The following CSMD1 variants were observed in gnomAD, a reference collection of about 807,000 sequenced individuals.
CSMD1 encodes CUB and sushi domain-containing protein 1.
CSMD1 carries 213 observed loss-of-function variants against 417.5 expected under a neutral mutation model. The observed-to-expected ratio is 0.51, with a 90% confidence interval of 0.46 to 0.57. The LOEUF (loss-of-function observed/expected upper bound fraction) is 0.57. Ranked by LOEUF, CSMD1 falls within the 20% of genes least tolerant of loss-of-function variation. CSMD1 has a pLI of 0.00. For missense variants in CSMD1, 6,923 were observed against 4,529.7 expected, an observed-to-expected ratio of 1.53 and a Z score of -15.17; for synonymous variants, 2,862 against 1,736.8, an observed-to-expected ratio of 1.65 and a Z score of -16.11.
rs375412143 is a variant in CSMD1, at chr8:3,407,879, G to A, written c.2071+20C>T. 18 of 1,574,640 alleles carry A rather than the reference G, an allele frequency of 1.1e-5. No individual in the cohort carries two copies. In the South Asian group the frequency reaches 2.0e-4, roughly 17 times the overall value. ...AGTAAAATGAGAACTTGGATGTGTT[G>A]ACTGTGTGGGCGTACTTACTGGTGT... is the stretch of plus-strand genomic sequence containing the variant. On this transcript the variant is annotated intron_variant, in intron 14 of 69. Coordinates refer to ENST00000635120, the MANE Select transcript of CSMD1 (RefSeq NM_033225.6).
chr8:4,581,415 T>G (rs549189559), intron 2 of CSMD1, among the ~76,000 whole-genome samples: 1 of 152,224 alleles, frequency 6.6e-6, no homozygotes, highest in Non-Finnish European at 1.5e-5. Context: ...CCAATTTTTA[T>G]CTTTTTGAGC....
chr8:3,594,472 T>G (rs541373291), intron 8 of CSMD1, among the ~76,000 whole-genome samples: 16 of 152,286 alleles, frequency 1.1e-4, no homozygotes, highest in African/African-American at 3.8e-4. Context: ...AGCAAAACCC[T>G]GTTGGTAACA....
chr8:2,977,290 G>C (rs1563199802), intron 55 of CSMD1, among the ~76,000 whole-genome samples: 1 of 152,070 alleles, frequency 6.6e-6, no homozygotes, highest in Non-Finnish European at 1.5e-5. Flanking sequence ...GCCTCAGTGA[G>C]TGTTGGTCCT....
At chr8:4,855,591 C>G (rs1435897893) in intron 1 of CSMD1, among the ~76,000 whole-genome samples, 2 of 152,112 alleles carry the variant, frequency 1.3e-5, no homozygotes, top group Non-Finnish European at 2.9e-5. Context: ...AGCTGAAAAC[C>G]AAGGCGCGAG....
intron 18 of CSMD1, among the ~76,000 whole-genome samples, chr8:3,371,653 A>G (rs1809957593): frequency 1.3e-5 from 2 of 152,204 alleles, no homozygotes; most frequent in East Asian, 1.9e-4. Flanking sequence ...AATATTCACA[A>G]AAGAATTAGA....
intron 3 of CSMD1, among the ~76,000 whole-genome samples, chr8:4,084,955 A>G (rs1370877979): frequency 2.0e-5 from 3 of 152,230 alleles, no homozygotes; most frequent in African/African-American, 7.2e-5. Context: ...AAGCACCTGC[A>G]GAAAGAAGGA....
At chr8:3,580,094 ACT>A (rs1348417878) in intron 9 of CSMD1, among the ~76,000 whole-genome samples, 1 of 151,746 alleles carries the variant, frequency 6.6e-6, no homozygotes, top group African/African-American at 2.4e-5. Flanking sequence ...ACAGAGGGAG[ACT>A]CTGTCTCAAA....
intron 1 of CSMD1, among the ~76,000 whole-genome samples, chr8:4,945,158 T>G (rs1808284545): frequency 6.6e-6 from 1 of 152,096 alleles, no homozygotes; most frequent in African/African-American, 2.4e-5. Context: ...ACAAGAGAAA[T>G]ACTGAATGAT....
At chr8:4,013,981 T>G (rs182362839) in intron 4 of CSMD1, among the ~76,000 whole-genome samples, 2 of 152,298 alleles carry the variant, frequency 1.3e-5, no homozygotes, top group Admixed American at 6.5e-5. Flanking sequence ...CAATAAACGT[T>G]CCTTGGAAGA....
At chr8:3,730,291 T>C (rs1362174165) in intron 6 of CSMD1, among the ~76,000 whole-genome samples, 2 of 151,958 alleles carry the variant, frequency 1.3e-5, no homozygotes, top group Non-Finnish European at 2.9e-5. Flanking sequence ...GCATCATCCC[T>C]GACTCAGCCA....
intron 5 of CSMD1, among the ~76,000 whole-genome samples, chr8:3,777,921 C>T (rs935404683): frequency 1.1e-4 from 16 of 151,134 alleles, no homozygotes; most frequent in Admixed American, 3.9e-4. Context: ...AGACCCGCAG[C>T]CTCCTTGAAG....
intron 1 of CSMD1, among the ~76,000 whole-genome samples, chr8:4,742,104 C>T (rs1003084695): frequency 1.5e-5 from 2 of 137,210 alleles, no homozygotes; most frequent in African/African-American, 5.4e-5. Context: ...AATCTCGGCT[C>T]ACTGCAAGCT....
intron 3 of CSMD1, among the ~76,000 whole-genome samples, chr8:4,391,304 T>A (rs1000124352): frequency 3.3e-5 from 5 of 152,216 alleles, no homozygotes; most frequent in Non-Finnish European, 5.9e-5. Context: ...CTTTCTTCTC[T>A]TAAGACATGG....
At chr8:4,695,497 C>A (rs1382149457) in intron 1 of CSMD1, among the ~76,000 whole-genome samples, 1 of 152,074 alleles carries the variant, frequency 6.6e-6, no homozygotes, top group East Asian at 1.9e-4. Context: ...ATCTCGATAC[C>A]CTAAAATAAG....
chr8:3,273,030 C>G (rs1294306664), intron 26 of CSMD1, among the ~76,000 whole-genome samples: 1 of 151,950 alleles, frequency 6.6e-6, no homozygotes, highest in Non-Finnish European at 1.5e-5. Flanking sequence ...GGGAATGCTT[C>G]TAGTTTTTGC....
Position 3,181,098 on chromosome 8 carries a change from A to G in CSMD1, c.5725+12T>C. Reference sequence around the variant, plus strand: ...AACAGTGGAAGCTGTATACAGAAAGAGTTGACCTTACTTTTGTATTCCAGG... The same window carrying G: ...AACAGTGGAAGCTGTATACAGAAAGGGTTGACCTTACTTTTGTATTCCAGG... On this transcript the variant is annotated intron_variant, in intron 37 of 69. Transcript: ENST00000635120. The G allele has an allele frequency of 6.4e-7, 1 of 1,564,930 alleles. No individual in the cohort carries two copies. The highest frequency in any genetic ancestry group is 8.8e-7 in the Non-Finnish European group (1 of 1,135,718).
chr8:4,036,108 A>G (rs1396694171), intron 3 of CSMD1, among the ~76,000 whole-genome samples: 1 of 152,178 alleles, frequency 6.6e-6, no homozygotes, highest in African/African-American at 2.4e-5. Flanking sequence ...GCACTCTAGG[A>G]GTACTAGGCT....
At chr8:3,843,318 A>T (rs1320634402) in intron 5 of CSMD1, among the ~76,000 whole-genome samples, 1 of 152,138 alleles carries the variant, frequency 6.6e-6, no homozygotes, top group Non-Finnish European at 1.5e-5. Flanking sequence ...TCTTTACCTC[A>T]TTGAACGAAA....
chr8:3,532,807 C>G (rs1223178375), intron 10 of CSMD1, among the ~76,000 whole-genome samples: 28 of 152,236 alleles, frequency 1.8e-4, no homozygotes, highest in Non-Finnish European at 5.9e-5. Flanking sequence ...TAATCTATAT[C>G]TGATTCACAT....
Sources: allele counts gnomAD v4.1 joint callset (sites outside exome capture counted in the v4.1 genomes callset), GRCh38; gene constraint gnomAD v4.1.1; transcripts MANE v1.5; gene names NCBI Gene and HGNC (gene_info 2026-07-23, HGNC 2026-07-21).